The following AEBP2 variants were observed in gnomAD, a reference collection of about 807,000 sequenced individuals.
AEBP2 encodes AE binding protein 2, also known as zinc finger protein AEBP2.
Under a neutral mutation model 50.8 loss-of-function variants are expected in AEBP2, and 10 were observed. The observed-to-expected ratio is 0.20, with a 90% CI of 0.12 to 0.33. The LOEUF (loss-of-function observed/expected upper bound fraction) is 0.33. Among genes scored for constraint, AEBP2 ranks in the 10% least tolerant of loss-of-function variants. The pLI is 1.00. For missense variants in AEBP2, 570 were observed against 688.0 expected (o/e 0.83, Z 1.92); for synonymous variants, 296 against 261.3 (o/e 1.13, Z -1.28).
chr12:19,439,664 T>TGGG lies in AEBP2; in HGVS notation c.-34_-32dup, dbSNP rs756800207. 1.8e-5 allele frequency: 22 copies of TGGG among 1,236,884 alleles called. No individual in the cohort carries two copies. The African/African-American group carries it at 3.2e-4, about 18-fold the overall frequency. The allele number at this position is 1,236,884 out of a possible 1,614,324, so 76.6% of individuals were successfully genotyped here. A position where few individuals can be genotyped will look rare whatever the true frequency, so the allele number is the denominator to read the frequency against. On this transcript the variant is annotated 5_prime_UTR_variant, in exon 1 of 8. Coordinates refer to ENST00000266508, the MANE Select transcript of AEBP2 (RefSeq NM_153207.5). ...GAGAGTCGAGAGAGGGAGGCGGCGGTGGGGAGGAGGAGGAGGAGGAGGAGC... is the reference window on the plus strand; with the variant it reads ...GAGAGTCGAGAGAGGGAGGCGGCGGTGGGGGGGAGGAGGAGGAGGAGGAGGAGC...
Position 19,440,116 on chromosome 12 carries a change from G to T in AEBP2, c.417G>T (p.Ser139=). ...GGAGCAGCAGCGACGAGACCCGCTC[G>T]TTGAGCCCCGGCGCCGCCAGCAGCA... ...SGGSSSDETR[S]LSPGAASSSS... The change falls in exon 1 of 8, where the codon TCG becomes TCT. Residue 139 remains serine (S), a synonymous_variant. Coordinates refer to ENST00000266508, the MANE Select transcript of AEBP2 (RefSeq NM_153207.5). 7 of 1,505,204 alleles carry T rather than the reference G, an allele frequency of 4.7e-6. No homozygotes were observed. Among genetic ancestry groups the T allele is most frequent in the Non-Finnish European group, 6.2e-6 (7 of 1,133,246 alleles). The allele number at this position is 1,505,204 out of a possible 1,614,324, so 93.2% of individuals were successfully genotyped here. A position where few individuals can be genotyped will look rare whatever the true frequency, so the allele number is the denominator to read the frequency against.
intron 1 of AEBP2, among the ~76,000 whole-genome samples, chr12:19,405,997 G>A (rs576846248): frequency 3.2e-4 from 47 of 148,124 alleles, no homozygotes; most frequent in African/African-American, 9.0e-4. Flanking sequence ...TTTTTGAGAC[G>A]GAGTCTCACT....
intron 4 of AEBP2, 38 bp downstream of exon 4, chr12:19,494,024 G>A: frequency 8.6e-7 from 1 of 1,161,842 alleles, no homozygotes. Flanking sequence ...GTATTTCATG[G>A]TTTTAAAAGA....
At chr12:19,414,690 G>C (rs1398292517) in intron 1 of AEBP2, among the ~76,000 whole-genome samples, 1 of 152,076 alleles carries the variant, frequency 6.6e-6, no homozygotes, top group Non-Finnish European at 1.5e-5. Flanking sequence ...ATGTAGGAAA[G>C]TGGTTTGAGA....
chr12:19,499,999 A>G, intron 4 of AEBP2, 98 bp from the exon 5 acceptor site: 1 of 1,115,304 alleles, frequency 9.0e-7, no homozygotes, highest in Non-Finnish European at 1.3e-6. Context: ...GAATTTAAAT[A>G]CTATTGATAG....
intron 1 of AEBP2, among the ~76,000 whole-genome samples, chr12:19,424,127 T>A (rs905513613): frequency 3.3e-5 from 5 of 151,942 alleles, no homozygotes; most frequent in African/African-American, 1.2e-4. Flanking sequence ...AATCAATACT[T>A]AAAAAGCAAG....
intron 1 of AEBP2, among the ~76,000 whole-genome samples, chr12:19,450,085 G>A (rs1321056964): frequency 3.3e-5 from 5 of 152,078 alleles, no homozygotes; most frequent in Admixed American, 3.3e-4. Flanking sequence ...AAAGCCTACA[G>A]CACCACCGCA....
chr12:19,491,780 T>A (rs764820716), intron 3 of AEBP2, among the ~76,000 whole-genome samples: 4 of 152,182 alleles, frequency 2.6e-5, no homozygotes, highest in Non-Finnish European at 4.4e-5. Flanking sequence ...GTAATATCTA[T>A]GATTTGCAAG....
At chr12:19,456,921 T>G in intron 1 of AEBP2, 3 of 1,448,036 alleles carry the variant, frequency 2.1e-6, no homozygotes. Flanking sequence ...TTGGATGAGT[T>G]GGTGGTAGGA....
chr12:19,483,619 T>C (rs1273353064), intron 3 of AEBP2, among the ~76,000 whole-genome samples: 1 of 152,154 alleles, frequency 6.6e-6, no homozygotes, highest in African/African-American at 2.4e-5. Context: ...TCCATCTTCC[T>C]CCTCCCGATT....
At chr12:19,463,281 G>A (rs949595709) in intron 2 of AEBP2, among the ~76,000 whole-genome samples, 1 of 152,190 alleles carries the variant, frequency 6.6e-6, no homozygotes, top group African/African-American at 2.4e-5. Flanking sequence ...AATTGTGTCA[G>A]TTCATGTAAC....
chr12:19,487,409 A>G (rs1948826078), intron 3 of AEBP2, among the ~76,000 whole-genome samples: 1 of 152,180 alleles, frequency 6.6e-6, no homozygotes, highest in Admixed American at 6.5e-5. Flanking sequence ...TACAGAAAGT[A>G]CGTATGCTTT....
chr12:19,504,627 T>C (rs1949128905), intron 5 of AEBP2, among the ~76,000 whole-genome samples: 4 of 152,090 alleles, frequency 2.6e-5, no homozygotes, highest in Admixed American at 2.6e-4. Context: ...TCTTGTGGTA[T>C]TTAGATTGAT....
chr12:19,458,203 C>A (rs1190922444), intron 1 of AEBP2, among the ~76,000 whole-genome samples: 2 of 152,204 alleles, frequency 1.3e-5, no homozygotes, highest in Admixed American at 6.5e-5. Flanking sequence ...TGTTTTCTGT[C>A]CTCTACTGTT....
At chr12:19,423,567 G>A (rs868191488) in intron 1 of AEBP2, among the ~76,000 whole-genome samples, 11 of 152,306 alleles carry the variant, frequency 7.2e-5, no homozygotes, top group South Asian at 4.1e-4. Flanking sequence ...TGATATCAAG[G>A]TCGCAGGGGC....
In AEBP2 at chr12:19,439,998, A is replaced by T; in HGVS notation, c.299A>T (p.Glu100Val). ...ASQAGEDEDEEEDDEEEEDES... is the reference protein window; with the variant it reads ...ASQAGEDEDEVEDDEEEEDES... ...CAGGCCGGGGAGGACGAAGACGAGG[A>T]GGAGGACGACGAGGAGGAGGAAGAT... The change falls in exon 1 of 8, where the codon GAG becomes GTG. Residue 100 changes from glutamate to valine, a missense_variant. By Grantham distance (121) the Glu-to-Val change is moderately radical. This residue lies in a region of AEBP2 where 386 missense variants were observed against 336.8 expected (regional missense o/e 1.15). Coordinates refer to ENST00000266508, the MANE Select transcript of AEBP2 (RefSeq NM_153207.5). The T allele has an allele frequency of 6.6e-7, 1 of 1,523,960 alleles. No individual in the cohort carries two copies. Among genetic ancestry groups the T allele is most frequent in the South Asian group, 1.2e-5 (1 of 83,514 alleles). 94.4% of individuals were successfully genotyped at this position (1,523,960 alleles called of 1,614,324 possible).
intron 1 of AEBP2, among the ~76,000 whole-genome samples, chr12:19,410,272 T>G (rs2095738591): frequency 6.6e-6 from 1 of 152,188 alleles, no homozygotes; most frequent in African/African-American, 2.4e-5. Context: ...CAGCACGTGC[T>G]CCCACTCTTA....
intron 3 of AEBP2, 29 bp downstream of exon 3, chr12:19,473,384 T>TTAATTA (rs1948600262): frequency 4.7e-6 from 1 of 212,142 alleles, no homozygotes; most frequent in African/African-American, 4.5e-5. Flanking sequence ...AAAATTTATT[T>TTAATTA]ATTTATTTAT....
chr12:19,484,553 T>G (rs1475453200), intron 3 of AEBP2, among the ~76,000 whole-genome samples: 4 of 151,980 alleles, frequency 2.6e-5, no homozygotes, highest in African/African-American at 9.7e-5. Flanking sequence ...TTTTGTATTT[T>G]TAGTAGAAAC....
Sources: allele counts gnomAD v4.1 joint callset (sites outside exome capture counted in the v4.1 genomes callset), GRCh38; gene constraint gnomAD v4.1.1; regional missense constraint gnomAD v4.1.1; transcripts MANE v1.5; gene names NCBI Gene and HGNC (gene_info 2026-07-23, HGNC 2026-07-21).